The following SLC22A25 variants were observed in gnomAD, a reference collection of about 807,000 sequenced individuals.
SLC22A25 encodes the protein MGI:2442751, MGI:2385316, MGI:3042283, MGI:3645714, MGI:3605624, MGI:2442750.
SLC22A25 carries 44 observed loss-of-function variants against 45.9 expected under a neutral mutation model. The observed-to-expected ratio is 0.96, with a 90% confidence interval of 0.75 to 1.23. The LOEUF (loss-of-function observed/expected upper bound fraction) is 1.23, where lower values mean the gene tolerates loss of function less well. SLC22A25 is among the 50% of genes most tolerant of loss of function. The probability of loss-of-function intolerance (pLI) is 0.00; values close to 1 mark genes in which losing one functional copy is unlikely to be tolerated. For missense variants in SLC22A25, 800 were observed against 666.4 expected (o/e 1.20, Z -2.21); for synonymous variants, 283 against 238.6 (o/e 1.19, Z -1.72).
rs147825568 is a variant in SLC22A25 at position 63,166,113 on chromosome 11, G to A, written c.1216C>T (p.Arg406Ter). 2.9e-4 allele frequency: 469 copies of A among 1,613,882 alleles called. 1 individual carries two copies. The highest frequency in any genetic ancestry group is 3.6e-4 in the Non-Finnish European group (421 of 1,179,962). ...AACATGAGAAGCATCTGGCTTAGTC[G>A]ACGGCTCATGTGATTCAGTGCCCAA... is the stretch of plus-strand genomic sequence containing the variant. ...APWALNHMSR[R>*]LSQMLLMFLL... is the part of the protein sequence containing the mutation. The change falls in exon 10 of 12, where the codon CGA becomes TGA. Residue 406 changes from arginine to a stop codon, truncating the protein, a stop_gained. Coordinates refer to ENST00000306494, the MANE Select transcript of SLC22A25 (RefSeq NM_199352.6). LOFTEE classifies it high-confidence loss of function.
chr11:63,185,541 A>ATTTTTTT (rs1186766871), intron 7 of SLC22A25, among the ~76,000 whole-genome samples: 216 of 131,914 alleles, frequency 1.6e-3, no homozygotes, highest in African/African-American at 6.0e-3. Context: ...TTTATTTTTT[A>ATTTTTTT]TTTATTTATT....
chr11:63,186,397 T>C (rs1201937559), intron 7 of SLC22A25, among the ~76,000 whole-genome samples: 3 of 151,354 alleles, frequency 2.0e-5, no homozygotes, highest in Admixed American at 6.6e-5. Flanking sequence ...GATTGTTTGT[T>C]TTTTTCTTGT....
At chr11:63,216,467 C>T (rs2089713072) in intron 7 of SLC22A25, among the ~76,000 whole-genome samples, 1 of 152,192 alleles carries the variant, frequency 6.6e-6, no homozygotes, top group African/African-American at 2.4e-5. Context: ...TACATGGAAT[C>T]AACCTAAATG....
intron 3 of SLC22A25, among the ~76,000 whole-genome samples, chr11:63,236,361 C>G (rs1309074889): frequency 6.6e-6 from 1 of 152,202 alleles, no homozygotes; most frequent in African/African-American, 2.4e-5. Context: ...CCTCCCCCAG[C>G]CTTGCTGCCA....
In SLC22A25 at chr11:63,185,125, G is replaced by A. The variant is rs115729932; in HGVS notation, c.831-1308C>T. ...CAAGAATTTCATAATGCAATCACAA[G>A]TATTTTATTTTATTTTATTTTTTTA... On this transcript the variant is annotated intron_variant, in intron 7 of 11. Coordinates refer to ENST00000306494, the MANE Select transcript of SLC22A25 (RefSeq NM_199352.6). Among the ~76,000 whole-genome samples the A allele has an allele frequency of 9.0e-3, 1,372 of 152,154 alleles. 9 individuals are homozygous for A. Among genetic ancestry groups the A allele is most frequent in the African/African-American group, 0.019 (799 of 41,510 alleles).
intron 1 of SLC22A25, among the ~76,000 whole-genome samples, chr11:63,239,590 T>C (rs1276098883): frequency 1.3e-5 from 2 of 152,220 alleles, no homozygotes; most frequent in African/African-American, 4.8e-5. Flanking sequence ...TTGTTCAGTA[T>C]TGAATTTGGG....
intron 9 of SLC22A25, chr11:63,166,720 T>C (rs1221435845): frequency 1.2e-5 from 12 of 995,270 alleles, no homozygotes; most frequent in Non-Finnish European, 1.4e-5. Flanking sequence ...GTACAACTTA[T>C]TGGGTACAGA....
At chr11:63,204,649 A>G (rs2089346424) in intron 7 of SLC22A25, among the ~76,000 whole-genome samples, 1 of 152,198 alleles carries the variant, frequency 6.6e-6, no homozygotes, top group African/African-American at 2.4e-5. Flanking sequence ...AGGAGCACCC[A>G]CATTCATAAA....
At chr11:63,210,186 A>C (rs2134798500) in intron 7 of SLC22A25, among the ~76,000 whole-genome samples, 1 of 152,380 alleles carries the variant, frequency 6.6e-6, no homozygotes, top group East Asian at 1.9e-4. Flanking sequence ...TCAGGGAGAC[A>C]TAAGATGAAA....
intron 7 of SLC22A25, among the ~76,000 whole-genome samples, chr11:63,189,451 A>G (rs938833541): frequency 2.0e-5 from 3 of 152,132 alleles, no homozygotes; most frequent in African/African-American, 2.4e-5. Context: ...TGCACATGAC[A>G]TGGGTCTCCT....
chr11:63,205,705 A>G (rs1455464771), intron 7 of SLC22A25, among the ~76,000 whole-genome samples: 1 of 152,210 alleles, frequency 6.6e-6, no homozygotes, highest in East Asian at 1.9e-4. Flanking sequence ...AAAGATTTAC[A>G]GCCGAATTCT....
chr11:63,182,977 G>T (rs932054433), intron 8 of SLC22A25, among the ~76,000 whole-genome samples: 2 of 151,976 alleles, frequency 1.3e-5, no homozygotes, highest in Non-Finnish European at 2.9e-5. Context: ...TAAAGTAAAA[G>T]CTCCATTCAG....
chr11:63,179,363 T>C (rs2088236201), intron 9 of SLC22A25, among the ~76,000 whole-genome samples: 2 of 152,164 alleles, frequency 1.3e-5, no homozygotes, highest in African/African-American at 2.4e-5. Flanking sequence ...CATTGGTATC[T>C]ATACATTTGA....
At chr11:63,179,971 G>C (rs1469436698) in intron 9 of SLC22A25, among the ~76,000 whole-genome samples, 1 of 152,138 alleles carries the variant, frequency 6.6e-6, no homozygotes, top group Non-Finnish European at 1.5e-5. Context: ...TTCCCTGTGA[G>C]GGAAAAGTCA....
chr11:63,170,152 A>T (rs1323718186), intron 9 of SLC22A25, among the ~76,000 whole-genome samples: 1 of 152,218 alleles, frequency 6.6e-6, no homozygotes, highest in Non-Finnish European at 1.5e-5. Flanking sequence ...AATCTCTGGG[A>T]CACAGCAAAA....
At chr11:63,174,074 C>A (rs1328195385) in intron 9 of SLC22A25, among the ~76,000 whole-genome samples, 2 of 151,980 alleles carry the variant, frequency 1.3e-5, no homozygotes, top group Admixed American at 1.3e-4. Flanking sequence ...CTGACAGGCC[C>A]TGGTGTGTGA....
intron 9 of SLC22A25, chr11:63,167,788 A>T (rs1465498991): frequency 6.3e-6 from 1 of 158,518 alleles, no homozygotes; most frequent in East Asian, 1.9e-4. Context: ...AGAGCAGTGG[A>T]TCTCTCAGCA....
chr11:63,163,682 G>T lies in SLC22A25; in HGVS notation c.*142C>A. Reference sequence around the variant, plus strand: ...GAGATGGTCTGTGTGATCTAGTGAGGCTCAGGGGATGTATGAGGTCACTGT... The same window carrying T: ...GAGATGGTCTGTGTGATCTAGTGAGTCTCAGGGGATGTATGAGGTCACTGT... On this transcript the variant is annotated 3_prime_UTR_variant, in exon 12 of 12. Transcript: ENST00000306494. The T allele has an allele frequency of 1.6e-6, 2 of 1,224,664 alleles. No homozygotes were observed. Among genetic ancestry groups the T allele is most frequent in the South Asian group, 1.7e-5 (1 of 60,028 alleles). The allele number at this position is 1,224,664 out of a possible 1,614,324, so 75.9% of individuals were successfully genotyped here. A position where few individuals can be genotyped will look rare whatever the true frequency, so the allele number is the denominator to read the frequency against.
At position 63,180,765 on chromosome 11, in the gene SLC22A25, G is replaced by T. The variant is rs1461776529; in HGVS notation, c.965C>A (p.Ser322Tyr). The change falls in exon 9 of 12, where the codon TCC becomes TAC. Residue 322 changes from serine to tyrosine, a missense_variant. Transcript: ENST00000306494. ...TGCCTCCAGTTCTTGCTTCATGGTG[G>T]ATTTCAAAACCTTCAACAACAACAG... ...EDILTMEVLK[S>Y]TMKQELEAAQ... The T allele has an allele frequency of 6.2e-7, 1 of 1,612,322 alleles. No individual in the cohort carries two copies. Among genetic ancestry groups the T allele is most frequent in the South Asian group, 1.1e-5 (1 of 90,852 alleles).
Sources: gnomAD v4.1 joint callset for allele counts (sites outside exome capture counted in the v4.1 genomes callset) on GRCh38, gnomAD v4.1.1 for gene constraint, MANE v1.5 for transcripts, NCBI Gene and HGNC (gene_info 2026-07-23, HGNC 2026-07-21) for gene names.